Variants in PACSIN1 observed in about 807,000 individuals in gnomAD.
PACSIN1 encodes the protein protein kinase C and casein kinase substrate in neurons protein 1.
In PACSIN1, 15 loss-of-function variants were observed where a neutral mutation model predicts 59.5. The observed-to-expected ratio is 0.25, with a 90% CI of 0.17 to 0.39. The LOEUF is 0.39. Among genes scored for constraint, PACSIN1 ranks in the 10% least tolerant of loss-of-function variants. The pLI is 1.00. For synonymous variants in PACSIN1, 210 were observed against 220.6 expected, an observed-to-expected ratio of 0.95 and a Z score of 0.42; for missense variants, 420 against 580.2, an observed-to-expected ratio of 0.72 and a Z score of 2.84.
intron 1 of PACSIN1, among the ~76,000 whole-genome samples, chr6:34,496,940 TC>T (rs1302610284): frequency 1.5e-4 from 8 of 53,402 alleles, no homozygotes; most frequent in South Asian, 7.8e-4. Context: ...TCTCTCTCTC[TC>T]TTTTTTTTTT....
intron 1 of PACSIN1, among the ~76,000 whole-genome samples, chr6:34,494,073 CAG>C (rs1766914760): frequency 6.6e-6 from 1 of 152,218 alleles, no homozygotes; most frequent in Admixed American, 6.5e-5. Context: ...CAAAGTCACA[CAG>C]AAATCAGTAA....
chr6:34,467,280 G>A (rs1000342462), intron 1 of PACSIN1, among the ~76,000 whole-genome samples: 2 of 152,182 alleles, frequency 1.3e-5, no homozygotes, highest in Non-Finnish European at 2.9e-5. Context: ...TTGTGGCTGG[G>A]TTATTTGTCT....
At chr6:34,523,654 A>G (rs1404243660) in intron 1 of PACSIN1, among the ~76,000 whole-genome samples, 1 of 152,206 alleles carries the variant, frequency 6.6e-6, no homozygotes, top group Non-Finnish European at 1.5e-5. Flanking sequence ...TGACAGCCAC[A>G]TCCCTTTCTG....
chr6:34,474,291 TCCAC>T (rs1409913526), intron 1 of PACSIN1, among the ~76,000 whole-genome samples: 2 of 152,114 alleles, frequency 1.3e-5, no homozygotes, highest in Non-Finnish European at 2.9e-5. Flanking sequence ...ACACCCAGAA[TCCAC>T]CCACTTCTTG....
chr6:34,510,702 C>G (rs925083164), intron 1 of PACSIN1, among the ~76,000 whole-genome samples: 1 of 152,204 alleles, frequency 6.6e-6, no homozygotes, highest in African/African-American at 2.4e-5. Flanking sequence ...CTCTCTGTCT[C>G]TTTAACCCAC....
intron 1 of PACSIN1, among the ~76,000 whole-genome samples, chr6:34,473,295 G>A (rs917741067): frequency 2.0e-5 from 3 of 151,638 alleles, no homozygotes; most frequent in African/African-American, 7.3e-5. Context: ...AATGTGAGTG[G>A]TGGTCTCAGG....
chr6:34,486,731 C>G (rs1182961957), intron 1 of PACSIN1, among the ~76,000 whole-genome samples: 1 of 152,174 alleles, frequency 6.6e-6, no homozygotes, highest in African/African-American at 2.4e-5. Flanking sequence ...CCTCTCTTTC[C>G]TCCTGCCTTG....
rs767772848 is a variant in PACSIN1 at position 34,529,485 on chromosome 6, C to T, written c.545C>T (p.Ser182Leu). 7.3e-5 allele frequency: 118 copies of T among 1,614,046 alleles called. No homozygotes were observed. The highest frequency in any genetic ancestry group is 9.2e-5 in the Non-Finnish European group (108 of 1,180,058). Residue 182 changes from serine (S) to leucine (L), a missense_variant, in exon 5 of 10, where the codon TCG becomes TTG. Coordinates refer to ENST00000244458, the MANE Select transcript of PACSIN1 (RefSeq NM_020804.5). The surrounding 1 kb of genome is among the most constrained non-coding windows in gnomAD (Gnocchi z 6.3). ...TREMNSKTEQ[S>L]VTPEQQKKLQ... Reference sequence around the variant, plus strand: ...GAGATGAACAGCAAGACGGAGCAATCGGTCACACCTGAGCAGCAAAAGAAG... The same window carrying T: ...GAGATGAACAGCAAGACGGAGCAATTGGTCACACCTGAGCAGCAAAAGAAG...
chr6:34,479,787 C>T (rs1352510310), intron 1 of PACSIN1, among the ~76,000 whole-genome samples: 4 of 150,648 alleles, frequency 2.7e-5, no homozygotes, highest in African/African-American at 4.9e-5. Flanking sequence ...ATTATGTATT[C>T]ATTAAAGTCT....
At chr6:34,482,823 ACAGGCGCCTGCCG>A (rs1766739117) in intron 1 of PACSIN1, among the ~76,000 whole-genome samples, 2 of 151,622 alleles carry the variant, frequency 1.3e-5, no homozygotes, top group Non-Finnish European at 2.9e-5. Flanking sequence ...AGCTGGGATT[ACAGGCGCCTGCCG>A]CCACACCCAG....
In PACSIN1 at chr6:34,532,398, C is replaced by T. The variant is rs761745017; in HGVS notation, c.1226-23C>T. The T allele has an allele frequency of 2.0e-6, 3 of 1,506,428 alleles. No individual in the cohort carries two copies. The highest frequency in any genetic ancestry group is 3.9e-5 in the Admixed American group (2 of 51,234). The allele number at this position is 1,506,428 out of a possible 1,614,324, so 93.3% of individuals were successfully genotyped here. A position where few individuals can be genotyped will look rare whatever the true frequency, so the allele number is the denominator to read the frequency against. Reference sequence around the variant, plus strand: ...GGAGGGGCAGCCTTCTCTCTGAGCCCCTCCCTGTGTTCTCTTTCCCAGGAG... The same window carrying T: ...GGAGGGGCAGCCTTCTCTCTGAGCCTCTCCCTGTGTTCTCTTTCCCAGGAG... On this transcript the variant is annotated intron_variant, in intron 9 of 9. Transcript: ENST00000244458. The surrounding 1 kb of genome is among the most constrained non-coding windows in gnomAD (Gnocchi z 5.2).
rs146507416 is a variant in PACSIN1, at chr6:34,514,502, G to A, written c.-63-11741G>A. Among the ~76,000 whole-genome samples the A allele has an allele frequency of 6.6e-5, 10 of 152,260 alleles. No individual in the cohort carries two copies. The highest frequency in any genetic ancestry group is 5.8e-4 in the East Asian group (3 of 5,184). On this transcript the variant is annotated intron_variant, in intron 1 of 9. Transcript: ENST00000244458. This position sits in a 1 kb window ranked among gnomAD's most constrained non-coding sequence, Gnocchi z 4.4. ...AGAAATGCTTCACCCAGCAGCAAGC[G>A]CTTAGATTTTAAGGACCCAAGCAAA...
intron 1 of PACSIN1, among the ~76,000 whole-genome samples, chr6:34,477,916 C>CT (rs67088426): frequency 8.8e-5 from 10 of 113,212 alleles, no homozygotes; most frequent in South Asian, 2.8e-4. Flanking sequence ...GCCTGGCCAT[C>CT]TTTTTTTTTT....
At position 34,533,720 on chromosome 6, in the gene PACSIN1, G is replaced by A. The variant is rs1393375286; in HGVS notation, c.*1190G>A. 6.6e-6 allele frequency: 1 copy of A among 152,358 alleles called. No homozygotes were observed. Among genetic ancestry groups the A allele is most frequent in the Non-Finnish European group, 1.5e-5 (1 of 68,152 alleles). 9.4% of individuals were successfully genotyped at this position (152,358 alleles called of 1,614,324 possible). Reference sequence around the variant, plus strand: ...GAGGAATCCTGGCCCTCAGGAAGAAGATAGTCACATGTTTTTCTTCCTTGT... The same window carrying A: ...GAGGAATCCTGGCCCTCAGGAAGAAAATAGTCACATGTTTTTCTTCCTTGT... On this transcript the variant is annotated 3_prime_UTR_variant, in exon 10 of 10. Coordinates refer to ENST00000244458, the MANE Select transcript of PACSIN1 (RefSeq NM_020804.5).
rs754660550 is a variant in PACSIN1 at position 34,530,081 on chromosome 6, C to G, written c.789-162C>G. 3.3e-5 allele frequency among the ~76,000 whole-genome samples: 5 copies of G among 152,188 alleles called. No individual in the cohort carries two copies. Among genetic ancestry groups the G allele is most frequent in the Non-Finnish European group, 7.3e-5 (5 of 68,032 alleles). On this transcript the variant is annotated intron_variant, in intron 6 of 9. Transcript: ENST00000244458. This position sits in a 1 kb window ranked among gnomAD's most constrained non-coding sequence, Gnocchi z 4.4. ...TAAGGTGGGAGGGAAAAGGAGTCCA[C>G]CGAGCATGCCCGGAGCTTATTCTTG...
At chr6:34,480,722 A>G (rs193173498) in intron 1 of PACSIN1, among the ~76,000 whole-genome samples, 118 of 152,268 alleles carry the variant, frequency 7.7e-4, no homozygotes, top group African/African-American at 2.7e-3. Flanking sequence ...AAACATATGC[A>G]TGCAGTTCTC....
chr6:34,497,506 C>T (rs749004437), intron 1 of PACSIN1, among the ~76,000 whole-genome samples: 3 of 152,162 alleles, frequency 2.0e-5, no homozygotes, highest in South Asian at 2.1e-4. Context: ...GCTTCTCCAA[C>T]GAGGCTCCTC....
At chr6:34,490,123 C>T (rs1766853601) in intron 1 of PACSIN1, among the ~76,000 whole-genome samples, 1 of 151,758 alleles carries the variant, frequency 6.6e-6, no homozygotes, top group Non-Finnish European at 1.5e-5. Context: ...TCAGGGCTCA[C>T]TGATGGCAGC....
At chr6:34,490,136 C>T (rs761618314) in intron 1 of PACSIN1, among the ~76,000 whole-genome samples, 2 of 151,654 alleles carry the variant, frequency 1.3e-5, no homozygotes, top group Admixed American at 6.6e-5. Context: ...ATGGCAGCCT[C>T]GACCTCTGGG....
Sources: allele counts gnomAD v4.1 joint callset (sites outside exome capture counted in the v4.1 genomes callset), GRCh38; gene constraint gnomAD v4.1.1; non-coding constraint Gnocchi (gnomAD v3.1); transcripts MANE v1.5; gene names NCBI Gene and HGNC (gene_info 2026-07-23, HGNC 2026-07-21).